Variants in ARHGAP32 observed in about 807,000 individuals in gnomAD.
ARHGAP32 encodes rho GTPase-activating protein 32.
ARHGAP32 carries 51 observed loss-of-function variants against 186.5 expected under a neutral mutation model. That is an observed-to-expected ratio of 0.27 (90% CI 0.22 to 0.35). The LOEUF is 0.35. ARHGAP32 is among the 10% of genes least tolerant of loss of function. The probability of loss-of-function intolerance (pLI) is 1.00; values close to 1 mark genes in which losing one functional copy is unlikely to be tolerated. For synonymous variants in ARHGAP32, 950 were observed against 964.3 expected (o/e 0.99, Z 0.27); for missense variants, 2,186 against 2,623.5 (o/e 0.83, Z 3.64).
At chr11:129,020,156 G>T (rs1453888657) in intron 11 of ARHGAP32, among the ~76,000 whole-genome samples, 2 of 151,880 alleles carry the variant, frequency 1.3e-5, no homozygotes, top group Non-Finnish European at 2.9e-5. Flanking sequence ...GAGAAAAAAA[G>T]ACATCATTTA....
chr11:129,096,332 G>A (rs964405544), intron 5 of ARHGAP32, among the ~76,000 whole-genome samples: 11 of 152,098 alleles, frequency 7.2e-5, no homozygotes, highest in Non-Finnish European at 1.6e-4. Flanking sequence ...TGGAAAAACG[G>A]CAGACTCACC....
intron 11 of ARHGAP32, among the ~76,000 whole-genome samples, chr11:129,011,135 T>C (rs1938056763): frequency 6.6e-6 from 1 of 152,204 alleles, no homozygotes; most frequent in Admixed American, 6.5e-5. Flanking sequence ...GTAATACGGA[T>C]ATAGCCAGCA....
At chr11:129,252,669 G>C (rs1945201035) in intron 1 of ARHGAP32, among the ~76,000 whole-genome samples, 1 of 152,170 alleles carries the variant, frequency 6.6e-6, no homozygotes, top group African/African-American at 2.4e-5. Flanking sequence ...TTGCATTAAA[G>C]CAAGAATATA....
intron 5 of ARHGAP32, among the ~76,000 whole-genome samples, chr11:129,100,699 C>G (rs768920253): frequency 6.6e-6 from 1 of 152,150 alleles, no homozygotes; most frequent in Non-Finnish European, 1.5e-5. Context: ...GCACAGAGAA[C>G]AGCGAATCCT....
intron 1 of ARHGAP32, among the ~76,000 whole-genome samples, chr11:129,242,717 C>CA (rs1041530601): frequency 5.0e-3 from 551 of 110,876 alleles, no homozygotes; most frequent in East Asian, 0.018. Context: ...GACTCCACCT[C>CA]AAAAAAAAAA....
chr11:128,991,908 TTTCTC>T lies in ARHGAP32; in HGVS notation c.1196-3788_1196-3784del, dbSNP rs561303171. 1.5e-3 allele frequency among the ~76,000 whole-genome samples: 222 copies of T among 152,328 alleles called. 2 individuals carry two copies. The highest frequency in any genetic ancestry group is 0.013 in the Admixed American group (195 of 15,298). On this transcript the variant is annotated intron_variant, in intron 12 of 22. Coordinates refer to ENST00000682385, the MANE Select transcript of ARHGAP32 (RefSeq NM_001378024.1). ...ACAGTTTTGGTTTCGTTTCTGCTCT[TTTCTC>T]TTCATTCATTCACTCGCTCACTCAC... is the stretch of plus-strand genomic sequence containing the variant.
At chr11:129,135,930 G>A (rs746696779) in intron 2 of ARHGAP32, among the ~76,000 whole-genome samples, 2 of 152,028 alleles carry the variant, frequency 1.3e-5, no homozygotes, top group African/African-American at 2.4e-5. Context: ...GGACACACAC[G>A]GAAAAAACAA....
chr11:129,000,509 G>A (rs1042329542), intron 11 of ARHGAP32, among the ~76,000 whole-genome samples: 1 of 152,064 alleles, frequency 6.6e-6, no homozygotes, highest in Non-Finnish European at 1.5e-5. Flanking sequence ...GTACACAGTA[G>A]GTATATATAT....
chr11:129,084,315 C>T (rs1218196149), intron 6 of ARHGAP32, among the ~76,000 whole-genome samples: 1 of 150,036 alleles, frequency 6.7e-6, no homozygotes, highest in Non-Finnish European at 1.5e-5. Flanking sequence ...TTTCCTAAGA[C>T]CAAAACCAGA....
rs768290412 is a variant in ARHGAP32 at position 128,978,948 on chromosome 11, T to G, written c.1977-33A>C. On this transcript the variant is annotated intron_variant, in intron 18 of 22. Transcript: ENST00000682385. ...AGAGAAAAAATAATCAACATTAAGATAGCCATGGGTCTGTCTTTTCTTACA... is the reference window on the plus strand; with the variant it reads ...AGAGAAAAAATAATCAACATTAAGAGAGCCATGGGTCTGTCTTTTCTTACA... 9 of 1,572,466 alleles carry G rather than the reference T, an allele frequency of 5.7e-6. No homozygotes were observed. In the African/African-American group the frequency reaches 9.6e-5, roughly 17 times the overall value.
chr11:129,208,753 TA>T (rs1944545906), intron 1 of ARHGAP32, among the ~76,000 whole-genome samples: 1 of 151,588 alleles, frequency 6.6e-6, no homozygotes. Context: ...CATACCAGCA[TA>T]ATAAAAATAC....
At chr11:129,229,877 G>A (rs1944835052) in intron 1 of ARHGAP32, among the ~76,000 whole-genome samples, 1 of 152,032 alleles carries the variant, frequency 6.6e-6, no homozygotes, top group South Asian at 2.1e-4. Context: ...CAGTAGAGTG[G>A]CGCGATCCCC....
At chr11:129,124,039 A>C in intron 3 of ARHGAP32, 110 bp from the exon 4 acceptor site, 1 of 628,574 alleles carries the variant, frequency 1.6e-6, no homozygotes, top group South Asian at 2.1e-5. Flanking sequence ...AAAACTGATT[A>C]CTTTCAGGTA....
At chr11:129,265,780 A>C (rs1945390193) in intron 1 of ARHGAP32, among the ~76,000 whole-genome samples, 1 of 152,236 alleles carries the variant, frequency 6.6e-6, no homozygotes, top group Non-Finnish European at 1.5e-5. Context: ...TCTAAAATGT[A>C]CTGCACACTT....
intron 2 of ARHGAP32, among the ~76,000 whole-genome samples, chr11:129,128,906 G>A (rs934520538): frequency 1.1e-4 from 16 of 152,200 alleles, no homozygotes; most frequent in Non-Finnish European, 2.1e-4. Flanking sequence ...CCAGGCTGGA[G>A]TGCAGTGGCG....
chr11:129,248,585 T>A (rs1945135604), intron 1 of ARHGAP32, among the ~76,000 whole-genome samples: 1 of 152,176 alleles, frequency 6.6e-6, no homozygotes, highest in Admixed American at 6.5e-5. Flanking sequence ...CTTTTGATTA[T>A]TCTTTTGTTG....
chr11:128,967,717 T>C lies in ARHGAP32; in HGVS notation c.*1190A>G, dbSNP rs953312051. The C allele has an allele frequency of 6.6e-6, 1 of 152,140 alleles. No homozygotes were observed. Among genetic ancestry groups the C allele is most frequent in the Non-Finnish European group, 1.5e-5 (1 of 68,030 alleles). 9.4% of individuals were successfully genotyped at this position (152,140 alleles called of 1,614,324 possible). On this transcript the variant is annotated 3_prime_UTR_variant, in exon 23 of 23. Coordinates refer to ENST00000682385, the MANE Select transcript of ARHGAP32 (RefSeq NM_001378024.1). Reference sequence around the variant, plus strand: ...GAGTAAGCAAACGACAGTAATGCCTTAGGACAGCAATAACTGCCCAGAACT... The same window carrying C: ...GAGTAAGCAAACGACAGTAATGCCTCAGGACAGCAATAACTGCCCAGAACT...
chr11:129,156,160 C>A (rs1943400552), intron 2 of ARHGAP32, among the ~76,000 whole-genome samples: 1 of 152,200 alleles, frequency 6.6e-6, no homozygotes, highest in Admixed American at 6.5e-5. Context: ...CAAAATTGGG[C>A]AGCCATTTGG....
rs1307893396 is a variant in ARHGAP32, at chr11:129,192,145, C to T, written c.54G>A (p.Leu18=). The T allele has an allele frequency of 6.2e-7, 1 of 1,613,854 alleles. No individual in the cohort carries two copies. The highest frequency in any genetic ancestry group is 1.3e-5 in the African/African-American group (1 of 75,018). ...STLGDDSVFW[L]ESEVIIQVTD... is the part of the protein sequence containing the mutation. ...TCACCTGGATTATAACTTCAGACTC[C>T]AACCAGAAGACACTGTCATCCCCTA... The change falls in exon 1 of 23, where the codon TTG becomes TTA. Residue 18 remains leucine (L), a synonymous_variant. Transcript: ENST00000682385.
Sources: allele counts gnomAD v4.1 joint callset (sites outside exome capture counted in the v4.1 genomes callset), GRCh38; gene constraint gnomAD v4.1.1; transcripts MANE v1.5; gene names NCBI Gene and HGNC (gene_info 2026-07-23, HGNC 2026-07-21).